The following PARP11 variants were observed in gnomAD, a reference collection of about 807,000 sequenced individuals.
PARP11 encodes protein mono-ADP-ribosyltransferase PARP11.
A neutral mutation model predicts 42.9 loss-of-function variants in PARP11; 31 were observed. That is an observed-to-expected ratio of 0.72 (90% CI 0.54 to 0.98). The LOEUF (loss-of-function observed/expected upper bound fraction) is 0.98, where lower values mean the gene tolerates loss of function less well. Ranked by LOEUF, PARP11 falls within the 50% of genes least tolerant of loss-of-function variation. The probability of loss-of-function intolerance (pLI) is 0.00; values close to 1 mark genes in which losing one functional copy is unlikely to be tolerated. For missense variants in PARP11, 365 were observed against 413.1 expected (o/e 0.88, Z 1.01); for synonymous variants, 137 against 127.3 (o/e 1.08, Z -0.51).
At position 3,839,362 on chromosome 12, in the gene PARP11, G is replaced by A. The variant is rs538078352; in HGVS notation, c.19-9344C>T. 3.8e-5 allele frequency: 59 copies of A among 1,539,758 alleles called. No individual in the cohort carries two copies. The East Asian group carries it at 1.1e-3, about 28-fold the overall frequency. On this transcript the variant is annotated intron_variant, in intron 1 of 7. Coordinates refer to ENST00000228820, the MANE Select transcript of PARP11 (RefSeq NM_020367.6). Reference sequence around the variant, plus strand: ...CCAGGGCGGCGCGGGGCCCCGCGAGGACGCGACGCCCATGGACGCCTATCT... The same window carrying A: ...CCAGGGCGGCGCGGGGCCCCGCGAGAACGCGACGCCCATGGACGCCTATCT...
chr12:3,842,418 TGAA>T, intron 1 of PARP11: 1 of 1,609,006 alleles, frequency 6.2e-7, no homozygotes, highest in South Asian at 1.1e-5. Context: ...GAAGTCGGGA[TGAA>T]GGTTATCAGT....
At chr12:3,826,118 A>G in intron 4 of PARP11, 40 bp downstream of exon 4, 1 of 1,289,976 alleles carries the variant, frequency 7.8e-7, no homozygotes, top group African/African-American at 1.5e-5. Flanking sequence ...AGTAAGAAAA[A>G]AAAAACCCAC....
chr12:3,869,430 A>G (rs188175176), intron 1 of PARP11, among the ~76,000 whole-genome samples: 13 of 152,306 alleles, frequency 8.5e-5, no homozygotes, highest in Admixed American at 8.5e-4. Context: ...AATCCTAAAC[A>G]TGTGCCTCAA....
At chr12:3,850,435 TGA>T (rs1261861681) in intron 1 of PARP11, among the ~76,000 whole-genome samples, 2 of 152,148 alleles carry the variant, frequency 1.3e-5, no homozygotes, top group Non-Finnish European at 2.9e-5. Flanking sequence ...ACAGTCAAAA[TGA>T]GAGAGTATAA....
At chr12:3,849,596 A>C (rs543997045) in intron 1 of PARP11, among the ~76,000 whole-genome samples, 2 of 152,294 alleles carry the variant, frequency 1.3e-5, no homozygotes, top group African/African-American at 4.8e-5. Flanking sequence ...GTAGGAGCTA[A>C]ATAAGTGGAA....
chr12:3,842,577 T>A, intron 1 of PARP11: 1 of 1,195,722 alleles, frequency 8.4e-7, no homozygotes, highest in Non-Finnish European at 1.2e-6. Flanking sequence ...CTGAAGGCTT[T>A]AAAAAACTAC....
At chr12:3,826,265 AT>A (rs1947522003) in intron 3 of PARP11, 32 bp from the exon 4 acceptor site, 2 of 1,454,032 alleles carry the variant, frequency 1.4e-6, no homozygotes, top group Admixed American at 4.3e-5. Flanking sequence ...TAGATAAGTC[AT>A]AAAAGTACAC....
chr12:3,823,009 C>G (rs1273480892), intron 4 of PARP11, among the ~76,000 whole-genome samples: 1 of 152,176 alleles, frequency 6.6e-6, no homozygotes, highest in African/African-American at 2.4e-5. Context: ...TAAAAACTAT[C>G]AGACATGTTC....
At chr12:3,860,063 G>T (rs927919072) in intron 1 of PARP11, among the ~76,000 whole-genome samples, 1 of 152,118 alleles carries the variant, frequency 6.6e-6, no homozygotes, top group Non-Finnish European at 1.5e-5. Flanking sequence ...AAGCAAAAAA[G>T]AACCAGTACT....
intron 4 of PARP11, among the ~76,000 whole-genome samples, chr12:3,824,961 T>G (rs927718881): frequency 5.9e-5 from 9 of 152,342 alleles, no homozygotes; most frequent in Non-Finnish European, 1.2e-4. Flanking sequence ...TATATCGTGA[T>G]GCTAAAATAA....
intron 6 of PARP11, among the ~76,000 whole-genome samples, chr12:3,820,490 G>A (rs1947370822): frequency 1.3e-5 from 2 of 152,100 alleles, no homozygotes; most frequent in African/African-American, 4.8e-5. Context: ...ACCGTGAAGG[G>A]CATCACCAGA....
chr12:3,815,085 T>C (rs952694468), intron 6 of PARP11: 1 of 456,560 alleles, frequency 2.2e-6, no homozygotes, highest in Non-Finnish European at 4.4e-6. Context: ...GTGACAAGTA[T>C]CAAAATGTTA....
intron 1 of PARP11, among the ~76,000 whole-genome samples, chr12:3,859,097 C>CAAA: frequency 1.1e-5 from 1 of 89,290 alleles, no homozygotes; most frequent in East Asian, 3.0e-4. Flanking sequence ...GACTCCATCT[C>CAAA]AAAAAAAAAA....
At position 3,809,531 on chromosome 12, in the gene PARP11, A is replaced by G. The variant is rs1242371369; in HGVS notation, c.*2592T>C. The stretch of plus-strand genomic sequence containing the variant: ...CACAGATACTTAGCTCTGGGTTCCT[A>G]GTCACCTTGAGATAAGATCTGCAAA... On this transcript the variant is annotated 3_prime_UTR_variant, in exon 8 of 8. Coordinates refer to ENST00000228820, the MANE Select transcript of PARP11 (RefSeq NM_020367.6). 7.4e-6 allele frequency: 1 copy of G among 135,820 alleles called. No individual in the cohort carries two copies. Among genetic ancestry groups the G allele is most frequent in the Non-Finnish European group, 1.6e-5 (1 of 64,150 alleles). 8.4% of individuals were successfully genotyped at this position (135,820 alleles called of 1,614,324 possible).
chr12:3,841,120 C>A (rs1014990835), intron 1 of PARP11: 15 of 1,610,650 alleles, frequency 9.3e-6, no homozygotes, highest in African/African-American at 2.7e-5. Flanking sequence ...AGTTAACCAG[C>A]CCTTGATGCC....
chr12:3,812,266 A>C lies in PARP11; in HGVS notation c.874T>G (p.Ser292Ala). ...TTGGAAGGAGGTCGCATGTATTTGG[A>C]GTCTCCGTTTATGTAATCTCCAATT... ...VLIGDYINGD[S>A]KYMRPPSKDG... Residue 292 changes from serine (S) to alanine (A), a missense_variant, in exon 8 of 8, where the codon TCC becomes GCC. Ser to Ala is a moderately conservative substitution (Grantham distance 99). Coordinates refer to ENST00000228820, the MANE Select transcript of PARP11 (RefSeq NM_020367.6). 1 of 1,614,200 alleles carries C rather than the reference A, an allele frequency of 6.2e-7. No individual in the cohort carries two copies. The highest frequency in any genetic ancestry group is 8.5e-7 in the Non-Finnish European group (1 of 1,180,026).
chr12:3,835,253 G>A (rs1391365757), intron 1 of PARP11, among the ~76,000 whole-genome samples: 2 of 152,188 alleles, frequency 1.3e-5, no homozygotes, highest in Non-Finnish European at 2.9e-5. Context: ...CATAGTCTAT[G>A]CCAATCCAGA....
At chr12:3,848,500 C>A (rs1948039770) in intron 1 of PARP11, among the ~76,000 whole-genome samples, 1 of 152,078 alleles carries the variant, frequency 6.6e-6, no homozygotes, top group Admixed American at 6.6e-5. Flanking sequence ...GATATAAATC[C>A]ACACATTTAC....
Position 3,809,471 on chromosome 12 carries a change from C to T in PARP11, c.*2652G>A, listed in dbSNP as rs1182044658. 2 of 151,972 alleles carry T rather than the reference C, an allele frequency of 1.3e-5. No individual in the cohort carries two copies. Among genetic ancestry groups the T allele is most frequent in the Non-Finnish European group, 2.9e-5 (2 of 67,996 alleles). The allele number at this position is 151,972 out of a possible 1,614,324, so 9.4% of individuals were successfully genotyped here. On this transcript the variant is annotated 3_prime_UTR_variant, in exon 8 of 8. Transcript: ENST00000228820. ...TGCATTCTACATATTTCATAGAAAC[C>T]AACTAGGTAAGTTCAGCGTTCGCAG...
Sources: gnomAD v4.1 joint callset for allele counts (sites outside exome capture counted in the v4.1 genomes callset) on GRCh38, gnomAD v4.1.1 for gene constraint, MANE v1.5 for transcripts, NCBI Gene and HGNC (gene_info 2026-07-23, HGNC 2026-07-21) for gene names.